NAIF1: variants seen among roughly 807,000 people sequenced by gnomAD.
NAIF1 encodes the protein nuclear apoptosis-inducing factor 1.
A neutral mutation model predicts 20.7 loss-of-function variants in NAIF1; 14 were observed. That is an observed-to-expected ratio of 0.67 (90% CI 0.45 to 1.05). NAIF1 has a LOEUF of 1.05. NAIF1 is among the 50% of genes least tolerant of loss of function. The pLI is 0.00. For missense variants in NAIF1, 362 were observed against 448.8 expected, an observed-to-expected ratio of 0.81 and a Z score of 1.75; for synonymous variants, 191 against 191.4, an observed-to-expected ratio of 1.00 and a Z score of 0.02.
Position 128,066,783 on chromosome 9 carries a change from G to A in NAIF1, c.319C>T (p.Pro107Ser). Residue 107 changes from proline to serine, a missense_variant, in exon 1 of 2, where the codon CCT becomes TCT. By Grantham distance (74) the Pro-to-Ser change is moderately conservative (BLOSUM62 -1). Transcript: ENST00000373078. ...CCACCACTGCCACCGCCTGTCCCAG[G>A]CCCCCCAGCTCCGTCCTCCTCAGTG... ...GPTEEDGAGGPGTGGGSGGGG... is the reference protein window; with the variant it reads ...GPTEEDGAGGSGTGGGSGGGG... 6.2e-7 allele frequency: 1 copy of A among 1,609,550 alleles called. No homozygotes were observed. Among genetic ancestry groups the A allele is most frequent in the Non-Finnish European group, 8.5e-7 (1 of 1,177,456 alleles).
At position 128,063,711 on chromosome 9, in the gene NAIF1, C is replaced by A; in HGVS notation, c.701G>T (p.Arg234Leu). ...LNSAKLIQEQ[R>L]VTNLHVKEIA... ...CTCCTTCACATGCAGGTTGGTGACC[C>A]GCTGCTCCTGTATCAGCTTGGCGGA... is the stretch of plus-strand genomic sequence containing the variant. The change falls in exon 2 of 2, where the codon CGG becomes CTG. Residue 234 changes from arginine to leucine, a missense_variant. By Grantham distance (102) the Arg-to-Leu change is moderately radical. Around this residue, in one of 3 missense-constraint regions of NAIF1, gnomAD observed 300 missense variants for 342.7 expected, o/e 0.88. Coordinates refer to ENST00000373078, the MANE Select transcript of NAIF1 (RefSeq NM_197956.4). The surrounding 1 kb of genome is among the most constrained non-coding windows in gnomAD (Gnocchi z 4.3). 2 of 1,614,208 alleles carry A rather than the reference C, an allele frequency of 1.2e-6. No homozygotes were observed. Among genetic ancestry groups the A allele is most frequent in the Non-Finnish European group, 1.7e-6 (2 of 1,180,042 alleles).
Position 128,067,222 on chromosome 9 carries a change from T to C in NAIF1, c.-121A>G. ...CCTACAGGGGATAGGCCAGGCTTGC[T>C]CGAGGCCAAGCACTAGGCCTTTGGT... On this transcript the variant is annotated 5_prime_UTR_variant, in exon 1 of 2. Transcript: ENST00000373078. 1 of 1,289,586 alleles carries C rather than the reference T, an allele frequency of 7.8e-7. No homozygotes were observed. The highest frequency in any genetic ancestry group is 1.1e-6 in the Non-Finnish European group (1 of 947,468). 79.9% of individuals were successfully genotyped at this position (1,289,586 alleles called of 1,614,324 possible).
intron 1 of NAIF1, among the ~76,000 whole-genome samples, chr9:128,065,661 C>T (rs1264088678): frequency 6.6e-6 from 1 of 151,390 alleles, no homozygotes; most frequent in Non-Finnish European, 1.5e-5. Context: ...GGCACTCGCA[C>T]ATCCACCCAA....
chr9:128,065,393 A>C (rs1179468309), intron 1 of NAIF1, among the ~76,000 whole-genome samples: 1 of 152,064 alleles, frequency 6.6e-6, no homozygotes, highest in Non-Finnish European at 1.5e-5. Context: ...CTGGGATTAC[A>C]GGAGTGAGCC....
Position 128,066,987 on chromosome 9 carries a change from C to T in NAIF1, c.115G>A (p.Val39Ile), listed in dbSNP as rs1323019944. 6 of 1,613,532 alleles carry T rather than the reference C, an allele frequency of 3.7e-6. No individual in the cohort carries two copies. Among genetic ancestry groups the T allele is most frequent in the African/African-American group, 1.3e-5 (1 of 74,942 alleles). Residue 39 changes from valine to isoleucine, a missense_variant, in exon 1 of 2, where the codon GTA becomes ATA. This residue lies in a region of NAIF1 where 51 missense variants were observed against 68.7 expected (regional missense o/e 0.74). Transcript: ENST00000373078. ...GCCGCACTCTTGGCGGCCAGGGGTA[C>T]CCCGGCGTTGAAGTGGTTCACCAGC... ...HLLVNHFNAG[V>I]PLAAKSAAWH...
rs150019414 is a variant in NAIF1, at chr9:128,064,175, G to A, written c.512-275C>T. ...GCGATCTCCGCTCACTGCAAGCTCCGCCTTCCGGGTTCACGCCATTCTCCT... is the reference window on the plus strand; with the variant it reads ...GCGATCTCCGCTCACTGCAAGCTCCACCTTCCGGGTTCACGCCATTCTCCT... On this transcript the variant is annotated intron_variant, in intron 1 of 1. Transcript: ENST00000373078. Among the ~76,000 whole-genome samples, 1,085 of 135,208 alleles carry A rather than the reference G, an allele frequency of 8.0e-3. 39 individuals carry two copies. The highest frequency in any genetic ancestry group is 0.075 in the Admixed American group (898 of 11,926). 88.7% of individuals were successfully genotyped at this position (135,208 alleles called of 152,430 possible).
rs1215692472 is a variant in NAIF1, at chr9:128,063,186, C to G, written c.*242G>C. On this transcript the variant is annotated 3_prime_UTR_variant, in exon 2 of 2. Transcript: ENST00000373078. The surrounding 1 kb of genome is among the most constrained non-coding windows in gnomAD (Gnocchi z 4.3). ...CAACACATGTCCCATCACATGCACA[C>G]GTGACCCCCTGCTAACCAATCTTCT... The G allele has an allele frequency of 1.8e-6, 1 of 553,082 alleles. No homozygotes were observed. Among genetic ancestry groups the G allele is most frequent in the Admixed American group, 3.1e-5 (1 of 32,438 alleles). 34.3% of individuals were successfully genotyped at this position (553,082 alleles called of 1,614,324 possible). A position where few individuals can be genotyped will look rare whatever the true frequency, so the allele number is the denominator to read the frequency against.
In NAIF1 at chr9:128,067,082, T is replaced by A. The variant is rs773538149; in HGVS notation, c.20A>T (p.Lys7Ile). The stretch of plus-strand genomic sequence containing the variant: ...CCGCTCTGAGAAGTTCATCTTCCTT[T>A]TCTTGGCTGGGACGGCCATGGCCTC... Reference protein sequence around the residue: MAVPAKKRKMNFSEREV... With the variant: MAVPAKIRKMNFSEREV... The change falls in exon 1 of 2, where the codon AAA (lysine) becomes ATA (isoleucine). Residue 7 changes from lysine (K) to isoleucine (I), a missense_variant. Around this residue, in one of 3 missense-constraint regions of NAIF1, gnomAD observed 51 missense variants for 68.7 expected, o/e 0.74. Coordinates refer to ENST00000373078, the MANE Select transcript of NAIF1 (RefSeq NM_197956.4). 1.5e-5 allele frequency: 24 copies of A among 1,602,064 alleles called. No homozygotes were observed. The highest frequency in any genetic ancestry group is 2.1e-5 in the Non-Finnish European group (24 of 1,170,346).
At position 128,066,621 on chromosome 9, in the gene NAIF1, C is replaced by T; in HGVS notation, c.481G>A (p.Ala161Thr). The change falls in exon 1 of 2, where the codon GCA (alanine) becomes ACA (threonine). Residue 161 changes from alanine to threonine, a missense_variant. Physicochemically the swap from Ala to Thr is moderately conservative, Grantham distance 58. This residue lies in a region of NAIF1 where 300 missense variants were observed against 342.7 expected (regional missense o/e 0.88). Transcript: ENST00000373078. ...HPVALGPSAT[A>T]AAATVTLTQI... is the part of the protein sequence containing the mutation. ...GTCAGGGTGACCGTGGCTGCGGCTG[C>T]GGTGGCCGAGGGTCCGAGGGCCACA... 6.5e-7 allele frequency: 1 copy of T among 1,527,332 alleles called. No individual in the cohort carries two copies. The highest frequency in any genetic ancestry group is 8.8e-7 in the Non-Finnish European group (1 of 1,135,534). 94.6% of individuals were successfully genotyped at this position (1,527,332 alleles called of 1,614,324 possible).
rs1471236611 is a variant in NAIF1, at chr9:128,062,364, T to G, written c.*1064A>C. 6.6e-6 allele frequency: 1 copy of G among 152,274 alleles called. No homozygotes were observed. Among genetic ancestry groups the G allele is most frequent in the Admixed American group, 6.5e-5 (1 of 15,270 alleles). The allele number at this position is 152,274 out of a possible 1,614,324, so 9.4% of individuals were successfully genotyped here. On this transcript the variant is annotated 3_prime_UTR_variant, in exon 2 of 2. Coordinates refer to ENST00000373078, the MANE Select transcript of NAIF1 (RefSeq NM_197956.4). ...GGGTCAATTATGGCTTTGGATTCAC[T>G]CAGCTACTCAGAGGGAGTCTCAAGA...
At chr9:128,066,260 G>C (rs1271879818) in intron 1 of NAIF1, 3 of 303,456 alleles carry the variant, frequency 9.9e-6, no homozygotes, top group African/African-American at 6.4e-5. Context: ...ACTACAAGCC[G>C]GGCCCTGTGA....
chr9:128,063,647 C>A lies in NAIF1; in HGVS notation c.765G>T (p.Gln255His). The A allele has an allele frequency of 6.2e-7, 1 of 1,614,136 alleles. No individual in the cohort carries two copies. The highest frequency in any genetic ancestry group is 8.5e-7 in the Non-Finnish European group (1 of 1,180,048). The change falls in exon 2 of 2, where the codon CAG becomes CAT. Residue 255 changes from glutamine to histidine, a missense_variant. Around this residue, in one of 3 missense-constraint regions of NAIF1, gnomAD observed 300 missense variants for 342.7 expected, o/e 0.88. Coordinates refer to ENST00000373078, the MANE Select transcript of NAIF1 (RefSeq NM_197956.4). This position sits in a 1 kb window ranked among gnomAD's most constrained non-coding sequence, Gnocchi z 4.3. Reference sequence around the variant, plus strand: ...GCACTTCCTGGGAGCGGCGGATCATCTGCAGTAGGTCGTTCTGCTGTTCCA... The same window carrying A: ...GCACTTCCTGGGAGCGGCGGATCATATGCAGTAGGTCGTTCTGCTGTTCCA... ...QHLEQQNDLL[Q>H]MIRRSQEVQA...
intron 1 of NAIF1, chr9:128,066,051 G>C (rs928213594): frequency 1.8e-4 from 27 of 152,566 alleles, no homozygotes; most frequent in African/African-American, 6.0e-4. Flanking sequence ...GCCCAGCACA[G>C]GGTTTGGTAC....
chr9:128,065,915 G>C (rs1832771985), intron 1 of NAIF1, among the ~76,000 whole-genome samples: 1 of 152,134 alleles, frequency 6.6e-6, no homozygotes, highest in African/African-American at 2.4e-5. Context: ...ATGCCACCAA[G>C]AAGCCCCCTT....
At position 128,063,799 on chromosome 9, in the gene NAIF1, T is replaced by G; in HGVS notation, c.613A>C (p.Met205Leu). The part of the protein sequence containing the change: ...PLPPETPVDM[M>L]AQHADTSVKP... ...ACCGACGTGTCTGCATGCTGGGCCA[T>G]CATGTCCACAGGGGTCTCTGGTGGC... Residue 205 changes from methionine to leucine, a missense_variant, in exon 2 of 2, where the codon ATG becomes CTG. By Grantham distance (15) the Met-to-Leu change is conservative. Around this residue, in one of 3 missense-constraint regions of NAIF1, gnomAD observed 300 missense variants for 342.7 expected, o/e 0.88. Coordinates refer to ENST00000373078, the MANE Select transcript of NAIF1 (RefSeq NM_197956.4). This position sits in a 1 kb window ranked among gnomAD's most constrained non-coding sequence, Gnocchi z 4.3. The G allele has an allele frequency of 6.2e-7, 1 of 1,613,802 alleles. No individual in the cohort carries two copies. Among genetic ancestry groups the G allele is most frequent in the Non-Finnish European group, 8.5e-7 (1 of 1,180,036 alleles).
At position 128,061,760 on chromosome 9, in the gene NAIF1, A is replaced by G. The variant is rs754480668; in HGVS notation, c.*1668T>C. The G allele has an allele frequency of 1.3e-5, 2 of 152,246 alleles. No individual in the cohort carries two copies. The highest frequency in any genetic ancestry group is 2.9e-5 in the Non-Finnish European group (2 of 68,044). The allele number at this position is 152,246 out of a possible 1,614,324, so 9.4% of individuals were successfully genotyped here. A position where few individuals can be genotyped will look rare whatever the true frequency, so the allele number is the denominator to read the frequency against. Reference sequence around the variant, plus strand: ...TTGGTCATATGTGGCTGAGGCACCGACAGCAAATCGCCAAACTTGGGAAAC... The same window carrying G: ...TTGGTCATATGTGGCTGAGGCACCGGCAGCAAATCGCCAAACTTGGGAAAC... On this transcript the variant is annotated 3_prime_UTR_variant, in exon 2 of 2. Coordinates refer to ENST00000373078, the MANE Select transcript of NAIF1 (RefSeq NM_197956.4).
intron 1 of NAIF1, among the ~76,000 whole-genome samples, chr9:128,064,731 G>A (rs905826794): frequency 1.6e-4 from 24 of 151,986 alleles, no homozygotes; most frequent in Middle Eastern, 3.4e-3. Context: ...GGCCGGGCGC[G>A]GTGGCTCACG....
At chr9:128,065,893 C>CT (rs1439445157) in intron 1 of NAIF1, among the ~76,000 whole-genome samples, 7 of 152,172 alleles carry the variant, frequency 4.6e-5, no homozygotes, top group African/African-American at 1.7e-4. Context: ...CCAATGTCAG[C>CT]TATGTGTCCT....
At position 128,062,137 on chromosome 9, in the gene NAIF1, G is replaced by C. The variant is rs554554408; in HGVS notation, c.*1291C>G. On this transcript the variant is annotated 3_prime_UTR_variant, in exon 2 of 2. Coordinates refer to ENST00000373078, the MANE Select transcript of NAIF1 (RefSeq NM_197956.4). Reference sequence around the variant, plus strand: ...CTCCCGGGTAGCTGGGACTACAGGCGTGTGCCACCACGCCCAGCTAATTTT... The same window carrying C: ...CTCCCGGGTAGCTGGGACTACAGGCCTGTGCCACCACGCCCAGCTAATTTT... 6.6e-6 allele frequency: 1 copy of C among 152,254 alleles called. No homozygotes were observed. The highest frequency in any genetic ancestry group is 1.5e-5 in the Non-Finnish European group (1 of 68,162). The allele number at this position is 152,254 out of a possible 1,614,324, so 9.4% of individuals were successfully genotyped here.
Sources: allele counts gnomAD v4.1 joint callset (sites outside exome capture counted in the v4.1 genomes callset), GRCh38; gene constraint gnomAD v4.1.1; regional missense constraint gnomAD v4.1.1; non-coding constraint Gnocchi (gnomAD v3.1); transcripts MANE v1.5; gene names NCBI Gene and HGNC (gene_info 2026-07-23, HGNC 2026-07-21).